VAPA: variants seen among roughly 807,000 people sequenced by gnomAD.
The protein encoded by VAPA is VAMP associated protein A.
In VAPA, 6 loss-of-function variants were observed where a neutral mutation model predicts 25.6. The observed-to-expected ratio is 0.23, with a 90% CI of 0.13 to 0.46. The LOEUF is 0.46. Ranked by LOEUF, VAPA falls within the 20% of genes least tolerant of loss-of-function variation. VAPA has a pLI of 0.99. For missense variants in VAPA, 244 were observed against 302.1 expected (o/e 0.81, Z 1.43); for synonymous variants, 112 against 106.2 (o/e 1.05, Z -0.34).
rs1055049830 is a variant in VAPA at position 9,956,948 on chromosome 18, AGTGT to A, written c.*2741_*2744del. 1 of 152,040 alleles carries A rather than the reference AGTGT, an allele frequency of 6.6e-6. No homozygotes were observed. Among genetic ancestry groups the A allele is most frequent in the Non-Finnish European group, 1.5e-5 (1 of 68,004 alleles). 9.4% of individuals were successfully genotyped at this position (152,040 alleles called of 1,614,324 possible). Reference sequence around the variant, plus strand: ...CAAGAAGCTAAGTCATTATGTTCTGAGTGTGTGGTATGTTCCCTTAAAAAAAAAT... The same window carrying A: ...CAAGAAGCTAAGTCATTATGTTCTGAGTGGTATGTTCCCTTAAAAAAAAAT... On this transcript the variant is annotated 3_prime_UTR_variant, in exon 6 of 6. Transcript: ENST00000400000.
chr18:9,950,334 T>C (rs1257806745), intron 4 of VAPA, 61 bp from the exon 5 acceptor site: 8 of 1,544,464 alleles, frequency 5.2e-6, no homozygotes, highest in Non-Finnish European at 8.8e-7. Context: ...TATTGTTATT[T>C]GTTTAAAACC....
intron 5 of VAPA, chr18:9,950,993 A>G (rs1365577367): frequency 6.5e-6 from 1 of 154,194 alleles, no homozygotes; most frequent in African/African-American, 2.4e-5. Context: ...GAGTTAGTAC[A>G]GAAAAAGGTA....
intron 1 of VAPA, among the ~76,000 whole-genome samples, chr18:9,923,316 TGTTG>T (rs2069172894): frequency 1.8e-5 from 2 of 108,936 alleles, no homozygotes; most frequent in African/African-American, 7.3e-5. Flanking sequence ...AAAAAAGAAT[TGTTG>T]CTATGAGAGG....
At chr18:9,952,859 G>A (rs188496134) in intron 5 of VAPA, among the ~76,000 whole-genome samples, 1 of 152,220 alleles carries the variant, frequency 6.6e-6, no homozygotes, top group East Asian at 1.9e-4. Context: ...GAGAATTACT[G>A]TTTATATAGG....
At position 9,954,349 on chromosome 18, in the gene VAPA, T is replaced by G; in HGVS notation, c.*138T>G. ...GTACAGCGTCATATAGGCTTTGCCTTTAATGATCTCTTACGGTTAGAAAAC... is the reference window on the plus strand; with the variant it reads ...GTACAGCGTCATATAGGCTTTGCCTGTAATGATCTCTTACGGTTAGAAAAC... On this transcript the variant is annotated 3_prime_UTR_variant, in exon 6 of 6. Coordinates refer to ENST00000400000, the MANE Select transcript of VAPA (RefSeq NM_194434.3). 1 of 726,060 alleles carries G rather than the reference T, an allele frequency of 1.4e-6. No individual in the cohort carries two copies. Among genetic ancestry groups the G allele is most frequent in the East Asian group, 2.5e-5 (1 of 39,358 alleles). The allele number at this position is 726,060 out of a possible 1,614,324, so 45.0% of individuals were successfully genotyped here.
At chr18:9,943,229 A>G (rs2069384294) in intron 4 of VAPA, among the ~76,000 whole-genome samples, 1 of 152,186 alleles carries the variant, frequency 6.6e-6, no homozygotes. Context: ...TGACAAAACA[A>G]TTCTCATTTA....
chr18:9,935,906 C>G (rs2069305014), intron 2 of VAPA, among the ~76,000 whole-genome samples: 1 of 152,092 alleles, frequency 6.6e-6, no homozygotes, highest in Non-Finnish European at 1.5e-5. Context: ...TAAGTTGATT[C>G]TTAAACATTC....
chr18:9,934,215 C>CAAA (rs1248352488), intron 2 of VAPA, among the ~76,000 whole-genome samples: 1 of 152,194 alleles, frequency 6.6e-6, no homozygotes, highest in Non-Finnish European at 1.5e-5. Flanking sequence ...TCTCTTTTTC[C>CAAA]CTGTGTCCTT....
At chr18:9,929,589 T>C (rs992784987) in intron 1 of VAPA, among the ~76,000 whole-genome samples, 9 of 152,196 alleles carry the variant, frequency 5.9e-5, no homozygotes, top group African/African-American at 2.2e-4. Context: ...GTCAGGTTCT[T>C]AAAGGATTCT....
intron 1 of VAPA, among the ~76,000 whole-genome samples, chr18:9,921,880 C>A (rs2069159530): frequency 6.6e-6 from 1 of 151,958 alleles, no homozygotes; most frequent in Non-Finnish European, 1.5e-5. Context: ...ATAATATGAA[C>A]CTCAGTATGC....
intron 4 of VAPA, among the ~76,000 whole-genome samples, chr18:9,945,297 T>TG (rs1418478399): frequency 2.0e-5 from 3 of 151,140 alleles, no homozygotes; most frequent in Non-Finnish European, 2.9e-5. Flanking sequence ...AGTATAAGTG[T>TG]GAACATTATG....
chr18:9,944,411 G>T (rs2069400012), intron 4 of VAPA, among the ~76,000 whole-genome samples: 1 of 152,088 alleles, frequency 6.6e-6, no homozygotes, highest in African/African-American at 2.4e-5. Flanking sequence ...GAGAACTATG[G>T]ACTTAATGGT....
At chr18:9,925,390 CA>C (rs1456602938) in intron 1 of VAPA, among the ~76,000 whole-genome samples, 3 of 151,952 alleles carry the variant, frequency 2.0e-5, no homozygotes, top group African/African-American at 4.8e-5. Context: ...TCTCAGGATC[CA>C]TACTTTTATG....
Position 9,950,423 on chromosome 18 carries a change from C to A in VAPA, c.446C>A (p.Pro149Gln), listed in dbSNP as rs375810230. Reference sequence around the variant, plus strand: ...GATATGGAACCTAGCAAAGCTGTTCCACTGAATGCATCTAAGCAAGATGGA... The same window carrying A: ...GATATGGAACCTAGCAAAGCTGTTCAACTGAATGCATCTAAGCAAGATGGA... ...LNDMEPSKAV[P>Q]LNASKQDGPM... Residue 149 changes from proline to glutamine, a missense_variant, in exon 5 of 6, where the codon CCA becomes CAA. This residue lies in a region of VAPA where 145 missense variants were observed against 140.6 expected (regional missense o/e 1.03). Coordinates refer to ENST00000400000, the MANE Select transcript of VAPA (RefSeq NM_194434.3). The A allele has an allele frequency of 9.9e-6, 16 of 1,613,586 alleles. No homozygotes were observed. The highest frequency in any genetic ancestry group is 1.3e-5 in the African/African-American group (1 of 74,860).
intron 4 of VAPA, among the ~76,000 whole-genome samples, chr18:9,941,496 C>G (rs886234618): frequency 1.4e-4 from 22 of 151,934 alleles, no homozygotes; most frequent in Non-Finnish European, 2.6e-4. Context: ...TAAAGATAAA[C>G]AAAACACCTC....
At chr18:9,943,854 T>C (rs1320414587) in intron 4 of VAPA, among the ~76,000 whole-genome samples, 1 of 68,774 alleles carries the variant, frequency 1.5e-5, no homozygotes. Context: ...TTTTTTTTTT[T>C]TTTTTTTTTT....
intron 1 of VAPA, chr18:9,915,687 T>C (rs949716287): frequency 1.3e-5 from 2 of 152,206 alleles, no homozygotes; most frequent in Non-Finnish European, 2.9e-5. Flanking sequence ...TTGTTTTCCA[T>C]AGGAAAAACT....
chr18:9,959,074 A>G lies in VAPA; in HGVS notation c.*4863A>G, dbSNP rs974594766. On this transcript the variant is annotated 3_prime_UTR_variant, in exon 6 of 6. Coordinates refer to ENST00000400000, the MANE Select transcript of VAPA (RefSeq NM_194434.3). ...CTTGTGAAATACTTATCTCCATCCT[A>G]TGGAATAGGGGAGACGGGTTTAGAC... 3 of 152,096 alleles carry G rather than the reference A, an allele frequency of 2.0e-5. No individual in the cohort carries two copies. Among genetic ancestry groups the G allele is most frequent in the African/African-American group, 4.8e-5 (2 of 41,424 alleles). 9.4% of individuals were successfully genotyped at this position (152,096 alleles called of 1,614,324 possible). A position where few individuals can be genotyped will look rare whatever the true frequency, so the allele number is the denominator to read the frequency against.
chr18:9,928,684 A>G (rs541335975), intron 1 of VAPA, among the ~76,000 whole-genome samples: 47 of 152,308 alleles, frequency 3.1e-4, no homozygotes, highest in East Asian at 1.2e-3. Flanking sequence ...ATGTTAAAAT[A>G]TATTTGCCCT....
Sources: allele counts gnomAD v4.1 joint callset (sites outside exome capture counted in the v4.1 genomes callset), GRCh38; gene constraint gnomAD v4.1.1; regional missense constraint gnomAD v4.1.1; transcripts MANE v1.5; gene names NCBI Gene and HGNC (gene_info 2026-07-23, HGNC 2026-07-21).